Variants in ROBO1 observed in about 807,000 individuals in gnomAD.
ROBO1 encodes roundabout guidance receptor 1, also known as roundabout homolog 1.
In ROBO1, 149 loss-of-function variants were observed where a neutral mutation model predicts 195.9. The observed-to-expected ratio is 0.76, with a 90% CI of 0.67 to 0.87. ROBO1 has a LOEUF of 0.87. Ranked by LOEUF, ROBO1 falls within the 40% of genes least tolerant of loss-of-function variation. The pLI is 0.00. For missense variants in ROBO1, 1,933 were observed against 2,068.3 expected (o/e 0.93, Z 1.27); for synonymous variants, 816 against 733.2 (o/e 1.11, Z -1.82).
intron 4 of ROBO1, among the ~76,000 whole-genome samples, chr3:78,891,883 C>T (rs754983903): frequency 2.0e-5 from 3 of 152,164 alleles, no homozygotes; most frequent in Non-Finnish European, 2.9e-5. Flanking sequence ...AAAGAAAAGG[C>T]AAAACTAATC....
chr3:79,504,949 T>C lies in ROBO1; in HGVS notation c.88+84875A>G, dbSNP rs1486578801. Among the ~76,000 whole-genome samples the C allele has an allele frequency of 2.6e-5, 4 of 152,034 alleles. No individual in the cohort carries two copies. In the South Asian group the frequency reaches 8.3e-4, roughly 32 times the overall value. ...AATTTTCTTCATTCAATAAGGCAAA[T>C]AGTTATATGATTGTAATAGAAGGTA... On this transcript the variant is annotated intron_variant, in intron 2 of 30. Transcript: ENST00000464233.
rs568400331 is a variant in ROBO1 at position 79,295,360 on chromosome 3, A to G, written c.89-169821T>C. Among the ~76,000 whole-genome samples, 12 of 152,310 alleles carry G rather than the reference A, an allele frequency of 7.9e-5. No homozygotes were observed. In the South Asian group the frequency reaches 2.5e-3, roughly 32 times the overall value. ...AAACTAACACAGGAACATAAAACCA[A>G]ACACTGCATGTTGTCACTCATAAGT... On this transcript the variant is annotated intron_variant, in intron 2 of 30. Coordinates refer to ENST00000464233, the MANE Select transcript of ROBO1 (RefSeq NM_002941.4).
At chr3:79,559,127 C>G (rs1025576061) in intron 2 of ROBO1, among the ~76,000 whole-genome samples, 1 of 152,120 alleles carries the variant, frequency 6.6e-6, no homozygotes, top group East Asian at 1.9e-4. Flanking sequence ...GGAAATGCCT[C>G]GTCACACCAT....
intron 2 of ROBO1, among the ~76,000 whole-genome samples, chr3:79,215,181 T>G (rs2082033527): frequency 6.6e-6 from 1 of 152,070 alleles, no homozygotes; most frequent in Admixed American, 6.6e-5. Flanking sequence ...GGAACAAGGA[T>G]ATATTAGCTC....
At chr3:79,730,768 CTTTTTTTTT>C (rs66527491) in intron 1 of ROBO1, among the ~76,000 whole-genome samples, 7 of 95,540 alleles carry the variant, frequency 7.3e-5, no homozygotes, top group African/African-American at 1.9e-4. Context: ...CCTGTATTTC[CTTTTTTTTT>C]TTTTTTTTTT....
rs957482464 is a variant in ROBO1 at position 78,617,295 on chromosome 3, T to C, written c.4282+340A>G. ...ATTCAAAAACACAAACTTCATCTAATTGACTGTATGTATAGTTTAAAGAAA... is the reference window on the plus strand; with the variant it reads ...ATTCAAAAACACAAACTTCATCTAACTGACTGTATGTATAGTTTAAAGAAA... On this transcript the variant is annotated intron_variant, in intron 27 of 30. Transcript: ENST00000464233. Among the ~76,000 whole-genome samples the C allele has an allele frequency of 2.6e-5, 4 of 152,270 alleles. No individual in the cohort carries two copies. In the South Asian group the frequency reaches 8.3e-4, roughly 32 times the overall value.
At chr3:79,310,869 A>G (rs2033453835) in intron 2 of ROBO1, among the ~76,000 whole-genome samples, 2 of 152,178 alleles carry the variant, frequency 1.3e-5, no homozygotes, top group Non-Finnish European at 2.9e-5. Flanking sequence ...TATAACTAGT[A>G]AGTGTTATCA....
chr3:78,827,141 A>T (rs939362536), intron 4 of ROBO1, among the ~76,000 whole-genome samples: 3 of 152,324 alleles, frequency 2.0e-5, no homozygotes, highest in African/African-American at 7.2e-5. Context: ...AGAATACTCA[A>T]TCCATGTGTT....
chr3:78,631,959 G>T (rs1705212131), intron 24 of ROBO1, among the ~76,000 whole-genome samples: 1 of 152,142 alleles, frequency 6.6e-6, no homozygotes, highest in Non-Finnish European at 1.5e-5. Context: ...GTTTGACATA[G>T]CCCAATCATT....
chr3:79,717,761 T>C (rs768093938), intron 1 of ROBO1, among the ~76,000 whole-genome samples: 6 of 152,034 alleles, frequency 3.9e-5, no homozygotes, highest in Non-Finnish European at 7.4e-5. Flanking sequence ...TGAAAAACTT[T>C]AGAGAAAGAC....
chr3:78,666,985 T>G (rs1208302647), intron 14 of ROBO1, among the ~76,000 whole-genome samples: 1 of 152,168 alleles, frequency 6.6e-6, no homozygotes, highest in African/African-American at 2.4e-5. Context: ...AGAATTACCT[T>G]TCTTTACTAA....
intron 5 of ROBO1, among the ~76,000 whole-genome samples, chr3:78,736,593 G>A (rs1179594574): frequency 6.6e-6 from 1 of 152,090 alleles, no homozygotes; most frequent in Non-Finnish European, 1.5e-5. Flanking sequence ...GGTATACCAA[G>A]CTGTTGGCAT....
chr3:78,894,285 CTA>C (rs776720509), intron 4 of ROBO1, among the ~76,000 whole-genome samples: 4 of 152,110 alleles, frequency 2.6e-5, no homozygotes, highest in Non-Finnish European at 2.9e-5. Context: ...ATATTTATCA[CTA>C]TGTTATATAT....
At chr3:78,886,351 C>T (rs2036571122) in intron 4 of ROBO1, among the ~76,000 whole-genome samples, 1 of 152,082 alleles carries the variant, frequency 6.6e-6, no homozygotes, top group Non-Finnish European at 1.5e-5. Flanking sequence ...AATCCCAGCA[C>T]TTTGGGAGGC....
chr3:79,362,311 T>G (rs764500078), intron 2 of ROBO1, among the ~76,000 whole-genome samples: 15 of 152,102 alleles, frequency 9.9e-5, no homozygotes, highest in Non-Finnish European at 1.9e-4. Flanking sequence ...AGGTTATGAG[T>G]AACAATTAGA....
At chr3:79,725,653 A>G in intron 1 of ROBO1, among the ~76,000 whole-genome samples, 1 of 152,146 alleles carries the variant, frequency 6.6e-6, no homozygotes, top group East Asian at 1.9e-4. Context: ...CCCCTAAATT[A>G]ATCACCCCCA....
chr3:79,097,415 C>G (rs891714729), intron 3 of ROBO1, among the ~76,000 whole-genome samples: 1 of 151,692 alleles, frequency 6.6e-6, no homozygotes, highest in African/African-American at 2.4e-5. Context: ...TGGAAGTGTG[C>G]TTTGTTTCAA....
chr3:79,410,012 T>C (rs2037702867), intron 2 of ROBO1, among the ~76,000 whole-genome samples: 1 of 152,110 alleles, frequency 6.6e-6, no homozygotes, highest in Non-Finnish European at 1.5e-5. Context: ...AACTGAGGTA[T>C]GGGATTTCCC....
chr3:78,728,876 C>T (rs1428553508), intron 5 of ROBO1, among the ~76,000 whole-genome samples: 2 of 152,212 alleles, frequency 1.3e-5, no homozygotes, highest in Non-Finnish European at 2.9e-5. Flanking sequence ...CACAAGAGAA[C>T]ATGATCCCGT....
Sources: allele counts gnomAD v4.1 joint callset (sites outside exome capture counted in the v4.1 genomes callset), GRCh38; gene constraint gnomAD v4.1.1; transcripts MANE v1.5; gene names NCBI Gene and HGNC (gene_info 2026-07-23, HGNC 2026-07-21).